MAST2: variants seen among roughly 807,000 people sequenced by gnomAD.
MAST2 encodes microtubule-associated serine/threonine-protein kinase 2.
In MAST2, 70 loss-of-function variants were observed where a neutral mutation model predicts 147.4. That is an observed-to-expected ratio of 0.47 (90% CI 0.39 to 0.58). MAST2 has a LOEUF of 0.58. MAST2 is among the 20% of genes least tolerant of loss of function. The pLI is 0.00. For synonymous variants in MAST2, 869 were observed against 896.8 expected, an observed-to-expected ratio of 0.97 and a Z score of 0.55; for missense variants, 2,080 against 2,302.3, an observed-to-expected ratio of 0.90 and a Z score of 1.98.
intron 4 of MAST2, among the ~76,000 whole-genome samples, chr1:45,928,664 CT>C (rs887924610): frequency 3.3e-5 from 5 of 151,750 alleles, no homozygotes; most frequent in African/African-American, 1.2e-4. Context: ...TCACTGCAAC[CT>C]TGAACTCCAG....
At chr1:45,887,002 A>AT (rs1570552043) in intron 4 of MAST2, among the ~76,000 whole-genome samples, 1 of 151,936 alleles carries the variant, frequency 6.6e-6, no homozygotes, top group Non-Finnish European at 1.5e-5. Context: ...TAATTTTTGT[A>AT]TTTTTTGTAG....
At position 45,908,470 on chromosome 1, in the gene MAST2, G is replaced by A. The variant is rs146031589; in HGVS notation, c.500+26075G>A. 4.6e-3 allele frequency among the ~76,000 whole-genome samples: 697 copies of A among 152,124 alleles called. 6 individuals carry two copies. The highest frequency in any genetic ancestry group is 0.016 in the African/African-American group (656 of 41,504). On this transcript the variant is annotated intron_variant, in intron 4 of 28. Transcript: ENST00000361297. ...TCCTTTAACTGTATTCCATAATTTG[G>A]TGTGTGTGTCTTTATTATAGTGTAA...
At position 46,035,637 on chromosome 1, in the gene MAST2, GT is replaced by G. The variant is rs1290679007; in HGVS notation, c.4969del (p.Ser1657ProfsTer24). 1.2e-6 allele frequency: 2 copies of G among 1,613,914 alleles called. No individual in the cohort carries two copies. Among genetic ancestry groups the G allele is most frequent in the South Asian group, 2.2e-5 (2 of 91,082 alleles). The part of the protein sequence containing the change: ...SSTSGKLSMW[S>X]WKSLIEGPDR... ...CCACCTCTGGGAAGCTGAGCATGTG[GT>G]CCTGGAAATCCCTTATTGAGGGCCC... On this transcript the variant is annotated frameshift_variant, in exon 29 of 29. Coordinates refer to ENST00000361297, the MANE Select transcript of MAST2 (RefSeq NM_015112.3). LOFTEE classifies it low-confidence loss of function (END_TRUNC). The surrounding 1 kb of genome is among the most constrained non-coding windows in gnomAD (Gnocchi z 5.5).
At chr1:45,930,546 C>T (rs376555723) in intron 4 of MAST2, among the ~76,000 whole-genome samples, 3 of 152,040 alleles carry the variant, frequency 2.0e-5, no homozygotes, top group East Asian at 3.9e-4. Context: ...AGAAGATGCC[C>T]ACATAGGCAA....
At chr1:45,991,168 G>T (rs1236328766) in intron 5 of MAST2, among the ~76,000 whole-genome samples, 1 of 152,044 alleles carries the variant, frequency 6.6e-6, no homozygotes, top group African/African-American at 2.4e-5. Context: ...TCATTGAATT[G>T]CCAGTGCTCC....
At chr1:46,019,835 C>T (rs537998934) in intron 11 of MAST2, 138 bp downstream of exon 11, 5 of 723,900 alleles carry the variant, frequency 6.9e-6, no homozygotes, top group Non-Finnish European at 1.2e-5. Flanking sequence ...GATTTGCCAC[C>T]ATTGGGGGAC....
intron 5 of MAST2, among the ~76,000 whole-genome samples, chr1:45,978,995 G>A (rs1644289920): frequency 6.6e-6 from 1 of 152,112 alleles, no homozygotes; most frequent in Non-Finnish European, 1.5e-5. Context: ...GCACACTTAA[G>A]GGTAAATGTT....
At chr1:45,977,470 A>G (rs908435982) in intron 5 of MAST2, among the ~76,000 whole-genome samples, 7 of 151,126 alleles carry the variant, frequency 4.6e-5, no homozygotes, top group African/African-American at 1.7e-4. Flanking sequence ...CTTGGGCGAC[A>G]AGAGGGAAAC....
Position 46,029,874 on chromosome 1 carries a change from GGAC to G in MAST2, c.2365_2367del (p.Asp789del). Reference sequence around the variant, plus strand: ...AGCAGCACCCATTCTTTACTGGTCTGGACTGGACAGGACTTCTCCGCCAGAAGG... The same window carrying G: ...AGCAGCACCCATTCTTTACTGGTCTGTGGACAGGACTTCTCCGCCAGAAGG... On this transcript the variant is annotated inframe_deletion, in exon 20 of 29. Transcript: ENST00000361297. 6.2e-7 allele frequency: 1 copy of G among 1,614,184 alleles called. No individual in the cohort carries two copies. The highest frequency in any genetic ancestry group is 8.5e-7 in the Non-Finnish European group (1 of 1,180,026).
intron 1 of MAST2, among the ~76,000 whole-genome samples, chr1:45,811,692 G>A (rs1644306270): frequency 1.4e-5 from 2 of 143,298 alleles, no homozygotes; most frequent in African/African-American, 2.6e-5. Context: ...GGAGTGCAGT[G>A]GCCTGATCTT....
At chr1:45,838,751 C>A (rs2147888008) in intron 3 of MAST2, among the ~76,000 whole-genome samples, 1 of 152,198 alleles carries the variant, frequency 6.6e-6, no homozygotes, top group East Asian at 1.9e-4. Context: ...ATGTGGAAAT[C>A]AGTTGTATCC....
rs149732623 is a variant in MAST2, at chr1:45,898,785, A to C, written c.500+16390A>C. Among the ~76,000 whole-genome samples the C allele has an allele frequency of 2.6e-5, 4 of 152,290 alleles. No individual in the cohort carries two copies. The East Asian group carries it at 7.7e-4, about 29-fold the overall frequency. ...AAGGGTGCAAAAGGATCATGTCTAG[A>C]TTCAGCTCACCTCTGCACTGCTGCA... On this transcript the variant is annotated intron_variant, in intron 4 of 28. Transcript: ENST00000361297.
At position 45,962,597 on chromosome 1, in the gene MAST2, C is replaced by T. The variant is rs571509614; in HGVS notation, c.592+3120C>T. The stretch of plus-strand genomic sequence containing the variant: ...TTGAGAAGTGTCTGTTCATATCCTT[C>T]GCCCACTTTGTGATGGGGTTGTTTG... On this transcript the variant is annotated intron_variant, in intron 5 of 28. Coordinates refer to ENST00000361297, the MANE Select transcript of MAST2 (RefSeq NM_015112.3). 4.4e-3 allele frequency among the ~76,000 whole-genome samples: 665 copies of T among 152,198 alleles called. 6 individuals are homozygous for T. Among genetic ancestry groups the T allele is most frequent in the African/African-American group, 0.015 (614 of 41,534 alleles).
chr1:45,829,355 C>A, intron 2 of MAST2, 84 bp from the exon 3 acceptor site: 2 of 1,180,578 alleles, frequency 1.7e-6, no homozygotes, highest in Non-Finnish European at 2.4e-6. Context: ...TGGTTTTATC[C>A]ACTTGATATC....
At chr1:45,857,648 T>C (rs1283922494) in intron 3 of MAST2, among the ~76,000 whole-genome samples, 1 of 152,156 alleles carries the variant, frequency 6.6e-6, no homozygotes, top group East Asian at 1.9e-4. Context: ...ATGTGCACAA[T>C]GTGCAGGTTT....
At chr1:45,956,066 A>G (rs1028942497) in intron 4 of MAST2, among the ~76,000 whole-genome samples, 2 of 152,130 alleles carry the variant, frequency 1.3e-5, no homozygotes, top group African/African-American at 4.8e-5. Flanking sequence ...GTCACTATAG[A>G]TTAGTTAGCA....
intron 4 of MAST2, among the ~76,000 whole-genome samples, chr1:45,901,205 A>G (rs1463045884): frequency 2.6e-5 from 4 of 152,160 alleles, no homozygotes; most frequent in Non-Finnish European, 5.9e-5. Flanking sequence ...GTCCAGTTTC[A>G]TTCTTCTGCA....
intron 1 of MAST2, among the ~76,000 whole-genome samples, chr1:45,811,338 A>ATTTTTTTT (rs57495413): frequency 9.7e-5 from 11 of 112,992 alleles, no homozygotes; most frequent in South Asian, 8.4e-4. Context: ...GTATTTTTGT[A>ATTTTTTTT]TTTTTTTTTT....
chr1:45,954,495 A>G (rs1247785973), intron 4 of MAST2, among the ~76,000 whole-genome samples: 1 of 152,206 alleles, frequency 6.6e-6, no homozygotes, highest in Non-Finnish European at 1.5e-5. Flanking sequence ...GACTGGGATG[A>G]TTTAACACCA....
Sources: allele counts gnomAD v4.1 joint callset (sites outside exome capture counted in the v4.1 genomes callset), GRCh38; gene constraint gnomAD v4.1.1; non-coding constraint Gnocchi (gnomAD v3.1); transcripts MANE v1.5; gene names NCBI Gene and HGNC (gene_info 2026-07-23, HGNC 2026-07-21).